RELN: variants seen among roughly 807,000 people sequenced by gnomAD.
RELN encodes reelin.
A neutral mutation model predicts 427.6 loss-of-function variants in RELN; 108 were observed. The observed-to-expected ratio is 0.25, with a 90% CI of 0.22 to 0.30. The LOEUF (loss-of-function observed/expected upper bound fraction) is 0.30, where lower values mean the gene tolerates loss of function less well. RELN is among the 10% of genes least tolerant of loss of function. RELN has a pLI of 1.00. For synonymous variants in RELN, 1,524 were observed against 1,513.4 expected (o/e 1.01, Z -0.16); for missense variants, 3,715 against 4,302.8 (o/e 0.86, Z 3.82).
At chr7:103,542,965 T>TC (rs201338107) in intron 42 of RELN, 87 bp from the exon 43 acceptor site, 1 of 1,336,448 alleles carries the variant, frequency 7.5e-7, no homozygotes, top group Non-Finnish European at 1.1e-6. Context: ...GTAAATGCAT[T>TC]ATGTAGTTTC....
intron 3 of RELN, among the ~76,000 whole-genome samples, chr7:103,833,129 CT>C (rs1017409327): frequency 9.3e-4 from 142 of 152,058 alleles, no homozygotes; most frequent in African/African-American, 3.2e-3. Context: ...TTTAAAATCT[CT>C]TTTAGCAATT....
At chr7:103,845,034 C>T (rs1367377010) in intron 2 of RELN, among the ~76,000 whole-genome samples, 2 of 152,268 alleles carry the variant, frequency 1.3e-5, no homozygotes, top group Non-Finnish European at 2.9e-5. Context: ...TTTAACTGTA[C>T]ATCCAGACTG....
At chr7:103,574,351 C>T (rs368012370) in intron 29 of RELN, 52 bp from the exon 30 acceptor site, 297 of 1,498,664 alleles carry the variant, frequency 2.0e-4, no homozygotes, top group Non-Finnish European at 2.5e-4. Context: ...TCATTCAAAA[C>T]GAGGTCTATT....
chr7:103,836,201 C>G (rs993506018), intron 2 of RELN, among the ~76,000 whole-genome samples: 1 of 152,052 alleles, frequency 6.6e-6, no homozygotes. Context: ...CACAAGTGAT[C>G]CACCCACCTT....
chr7:103,597,269 A>G (rs1030463232), intron 24 of RELN, among the ~76,000 whole-genome samples: 1 of 152,178 alleles, frequency 6.6e-6, no homozygotes, highest in Non-Finnish European at 1.5e-5. Context: ...TGTGGGCATT[A>G]AAGTAGACCA....
intron 41 of RELN, among the ~76,000 whole-genome samples, chr7:103,548,701 T>C (rs1830351475): frequency 6.6e-6 from 1 of 152,380 alleles, no homozygotes; most frequent in Admixed American, 6.5e-5. Flanking sequence ...GTTTTGTAAG[T>C]GGCTTTGTAC....
At chr7:103,502,262 GTAATAATAA>G (rs146215793) in intron 52 of RELN, among the ~76,000 whole-genome samples, 2 of 151,848 alleles carry the variant, frequency 1.3e-5, no homozygotes, top group South Asian at 2.1e-4. Context: ...ACCCTGAGTG[GTAATAATAA>G]TAATAATAAT....
chr7:103,733,130 G>A (rs1354724956), intron 6 of RELN, among the ~76,000 whole-genome samples: 2 of 152,084 alleles, frequency 1.3e-5, no homozygotes, highest in Non-Finnish European at 2.9e-5. Flanking sequence ...GTGGGCGAAG[G>A]ACATGAACAG....
chr7:103,811,513 G>A (rs1488903689), intron 3 of RELN, among the ~76,000 whole-genome samples: 1 of 151,944 alleles, frequency 6.6e-6, no homozygotes, highest in African/African-American at 2.4e-5. Flanking sequence ...TTCATTTAAT[G>A]ATATTGATGA....
In RELN at chr7:103,678,962, G is replaced by A. The variant is rs576505166; in HGVS notation, c.1289+3154C>T. Among the ~76,000 whole-genome samples, 55 of 152,206 alleles carry A rather than the reference G, an allele frequency of 3.6e-4. No individual in the cohort carries two copies. In the South Asian group the frequency reaches 9.8e-3, roughly 27 times the overall value. On this transcript the variant is annotated intron_variant, in intron 11 of 64. Transcript: ENST00000428762. ...ATTAACTGAGCAGAGAAAACAGAAC[G>A]CATCAAGAATTTTACTACCAAATTT...
chr7:103,493,580 A>C (rs17151752), intron 57 of RELN, among the ~76,000 whole-genome samples: 1,882 of 152,298 alleles, frequency 0.012, 64 homozygotes, highest in Admixed American at 0.056. Context: ...AGATGATTGG[A>C]TACAATTCCT....
chr7:103,605,684 G>A (rs1176210790), intron 22 of RELN, among the ~76,000 whole-genome samples: 1 of 152,158 alleles, frequency 6.6e-6, no homozygotes, highest in Non-Finnish European at 1.5e-5. Flanking sequence ...CCTTTCCCAA[G>A]CACACTATAT....
chr7:103,903,006 T>C (rs1795115623), intron 2 of RELN, among the ~76,000 whole-genome samples: 1 of 152,080 alleles, frequency 6.6e-6, no homozygotes, highest in African/African-American at 2.4e-5. Context: ...TATCCAAGAG[T>C]ATTTATAAGT....
At chr7:103,702,537 G>A (rs1388141093) in intron 8 of RELN, among the ~76,000 whole-genome samples, 4 of 152,092 alleles carry the variant, frequency 2.6e-5, no homozygotes, top group Non-Finnish European at 5.9e-5. Context: ...ATAAAAATGA[G>A]TCTAAATATG....
intron 34 of RELN, 21 bp downstream of exon 34, chr7:103,565,257 T>C (rs1315839814): frequency 2.4e-5 from 38 of 1,613,902 alleles, no homozygotes; most frequent in Non-Finnish European, 3.2e-5. Flanking sequence ...TTCTGACATG[T>C]AGCCAAATGA....
intron 10 of RELN, among the ~76,000 whole-genome samples, chr7:103,689,577 C>G (rs1833832066): frequency 1.3e-5 from 2 of 152,066 alleles, no homozygotes; most frequent in East Asian, 1.9e-4. Flanking sequence ...TTGGCTGCCA[C>G]CAAAGACGAG....
intron 11 of RELN, among the ~76,000 whole-genome samples, chr7:103,671,734 A>T (rs977062838): frequency 1.3e-5 from 2 of 152,214 alleles, no homozygotes; most frequent in African/African-American, 4.8e-5. Flanking sequence ...GGATATACTT[A>T]GCAAAAGATA....
At chr7:103,905,055 A>G (rs866639718) in intron 2 of RELN, among the ~76,000 whole-genome samples, 1 of 135,234 alleles carries the variant, frequency 7.4e-6, no homozygotes, top group Non-Finnish European at 1.5e-5. Flanking sequence ...ATCTCTGCTC[A>G]CTGCAACATC....
chr7:103,751,555 T>C (rs58733775), intron 5 of RELN, among the ~76,000 whole-genome samples: 3,354 of 152,304 alleles, frequency 0.022, 125 homozygotes, highest in African/African-American at 0.078. Flanking sequence ...ATGTATTCTG[T>C]GCATGGGAGT....
Sources: allele counts gnomAD v4.1 joint callset (sites outside exome capture counted in the v4.1 genomes callset), GRCh38; gene constraint gnomAD v4.1.1; transcripts MANE v1.5; gene names NCBI Gene and HGNC (gene_info 2026-07-23, HGNC 2026-07-21).